The following B3GLCT variants were observed in gnomAD, a reference collection of about 807,000 sequenced individuals.
B3GLCT encodes beta-1,3-glucosyltransferase.
A neutral mutation model predicts 63.4 loss-of-function variants in B3GLCT; 65 were observed. The observed-to-expected ratio is 1.03, with a 90% CI of 0.84 to 1.26. The LOEUF (loss-of-function observed/expected upper bound fraction) is 1.26. Among genes scored for constraint, B3GLCT ranks in the 50% most tolerant of loss-of-function variants. The probability of loss-of-function intolerance (pLI) is 0.00; values close to 1 mark genes in which losing one functional copy is unlikely to be tolerated. For missense variants in B3GLCT, 577 were observed against 604.8 expected, an observed-to-expected ratio of 0.95 and a Z score of 0.48; for synonymous variants, 233 against 219.2, an observed-to-expected ratio of 1.06 and a Z score of -0.55.
In B3GLCT at chr13:31,274,515, C is replaced by T. The variant is rs773546948; in HGVS notation, c.667C>T (p.Leu223Phe). Residue 223 changes from leucine to phenylalanine, a missense_variant, in exon 9 of 15, where the codon CTC (leucine) becomes TTC (phenylalanine). Coordinates refer to ENST00000343307, the MANE Select transcript of B3GLCT (RefSeq NM_194318.4). The part of the protein sequence containing the change: ...FTIDLKHEIA[L>F]YIWDKGGGPP... ...GTCTCCTGTCTCGTGGCAGATTGCC[C>T]TCTACATCTGGGACAAAGGCGGAGG... The T allele has an allele frequency of 6.2e-7, 1 of 1,614,186 alleles. No homozygotes were observed. Among genetic ancestry groups the T allele is most frequent in the Non-Finnish European group, 8.5e-7 (1 of 1,180,034 alleles).
chr13:31,207,287 AT>A (rs71192685), intron 1 of B3GLCT, among the ~76,000 whole-genome samples: 47 of 148,718 alleles, frequency 3.2e-4, no homozygotes, highest in Non-Finnish European at 2.7e-4. Flanking sequence ...TAAACTGCTA[AT>A]TTTTTTTTTT....
chr13:31,206,169 C>T (rs1401937613), intron 1 of B3GLCT, among the ~76,000 whole-genome samples: 1 of 152,200 alleles, frequency 6.6e-6, no homozygotes, highest in Non-Finnish European at 1.5e-5. Context: ...AAAATAGCCC[C>T]ATTCAGTTCC....
At chr13:31,316,407 T>A (rs543331974) in intron 12 of B3GLCT, among the ~76,000 whole-genome samples, 4 of 40,866 alleles carry the variant, frequency 9.8e-5, no homozygotes, top group African/African-American at 2.0e-4. Context: ...TTTGGAGGTT[T>A]TATATATATA....
chr13:31,296,422 AAAGAGAGC>A (rs993865448), intron 12 of B3GLCT, among the ~76,000 whole-genome samples: 17 of 152,198 alleles, frequency 1.1e-4, no homozygotes, highest in African/African-American at 3.9e-4. Flanking sequence ...CAAATGGTGG[AAAGAGAGC>A]AAGCTAGCTC....
chr13:31,236,072 A>T (rs1007943482), intron 4 of B3GLCT, among the ~76,000 whole-genome samples: 3 of 152,132 alleles, frequency 2.0e-5, no homozygotes, highest in Non-Finnish European at 4.4e-5. Flanking sequence ...TCACGTATGC[A>T]CCCCCAAGGT....
At chr13:31,206,134 C>T (rs369886138) in intron 1 of B3GLCT, among the ~76,000 whole-genome samples, 8 of 152,158 alleles carry the variant, frequency 5.3e-5, no homozygotes, top group African/African-American at 1.9e-4. Flanking sequence ...AAGTAAAGGA[C>T]GTTAAATGGC....
At chr13:31,328,252 G>C (rs1875732589) in intron 14 of B3GLCT, among the ~76,000 whole-genome samples, 1 of 152,082 alleles carries the variant, frequency 6.6e-6, no homozygotes, top group Admixed American at 6.6e-5. Flanking sequence ...CAAAGATTTA[G>C]GCAGACTGTA....
intron 6 of B3GLCT, among the ~76,000 whole-genome samples, chr13:31,248,197 A>G (rs755886331): frequency 2.6e-5 from 4 of 152,234 alleles, no homozygotes; most frequent in Admixed American, 6.5e-5. Flanking sequence ...ATCTGTTAAT[A>G]TATGTGTTAG....
At chr13:31,240,502 C>T (rs1043237693) in intron 4 of B3GLCT, among the ~76,000 whole-genome samples, 2 of 116,012 alleles carry the variant, frequency 1.7e-5, no homozygotes, top group Non-Finnish European at 3.6e-5. Flanking sequence ...ATATTAAAAA[C>T]ACCTGATTTT....
intron 2 of B3GLCT, among the ~76,000 whole-genome samples, chr13:31,216,665 G>A (rs1187505084): frequency 6.6e-6 from 1 of 152,152 alleles, no homozygotes; most frequent in East Asian, 1.9e-4. Flanking sequence ...TGTGTACACT[G>A]TGTTTAGCTC....
intron 12 of B3GLCT, among the ~76,000 whole-genome samples, chr13:31,289,280 A>G (rs1413703059): frequency 6.6e-6 from 1 of 152,178 alleles, no homozygotes; most frequent in Non-Finnish European, 1.5e-5. Flanking sequence ...TAAATTATCA[A>G]TATTTTTGAG....
chr13:31,214,221 T>C (rs903083323), intron 1 of B3GLCT, among the ~76,000 whole-genome samples: 1 of 152,196 alleles, frequency 6.6e-6, no homozygotes, highest in Non-Finnish European at 1.5e-5. Context: ...CTCCTGGGAG[T>C]GCTAATTGGA....
chr13:31,314,131 C>T (rs1349102070), intron 12 of B3GLCT, among the ~76,000 whole-genome samples: 1 of 152,206 alleles, frequency 6.6e-6, no homozygotes, highest in African/African-American at 2.4e-5. Context: ...GGCAAGTTTG[C>T]TGCAGGATAG....
chr13:31,257,047 C>T (rs1871778866), intron 6 of B3GLCT, among the ~76,000 whole-genome samples: 2 of 152,064 alleles, frequency 1.3e-5, no homozygotes, highest in Admixed American at 1.3e-4. Context: ...TGGCTCTATG[C>T]ATAGATTCTA....
chr13:31,234,184 A>AT (rs890630003), intron 4 of B3GLCT, among the ~76,000 whole-genome samples: 12 of 150,694 alleles, frequency 8.0e-5, no homozygotes, highest in Non-Finnish European at 1.3e-4. Context: ...CACCTGGCTA[A>AT]TTTTTTTTTG....
At position 31,329,826 on chromosome 13, in the gene B3GLCT, G is replaced by A. The variant is rs543066424; in HGVS notation, c.*158G>A. On this transcript the variant is annotated 3_prime_UTR_variant, in exon 15 of 15. Coordinates refer to ENST00000343307, the MANE Select transcript of B3GLCT (RefSeq NM_194318.4). ...TTATGTATGGTATTTTTTGACAGAG[G>A]AAGAAAAGGGGTCACAGGAGAAACA... The A allele has an allele frequency of 2.3e-3, 1,769 of 780,232 alleles. 7 individuals are homozygous for A. Among genetic ancestry groups the A allele is most frequent in the Non-Finnish European group, 2.8e-3 (1,340 of 478,552 alleles). 48.3% of individuals were successfully genotyped at this position (780,232 alleles called of 1,614,324 possible).
intron 8 of B3GLCT, among the ~76,000 whole-genome samples, chr13:31,273,408 A>G (rs986228448): frequency 6.6e-6 from 1 of 152,096 alleles, no homozygotes; most frequent in East Asian, 1.9e-4. Context: ...TTATTTTTCA[A>G]ATGTGCTTAC....
intron 1 of B3GLCT, among the ~76,000 whole-genome samples, chr13:31,203,121 T>C (rs1566037068): frequency 1.3e-5 from 2 of 152,182 alleles, no homozygotes; most frequent in Admixed American, 6.5e-5. Flanking sequence ...CCTGCCAAAA[T>C]TGGGGATGGT....
intron 12 of B3GLCT, among the ~76,000 whole-genome samples, chr13:31,291,378 C>A (rs201179236): frequency 6.6e-6 from 1 of 152,152 alleles, no homozygotes; most frequent in African/African-American, 2.4e-5. Flanking sequence ...TCAATGGTAG[C>A]TTGATGGGGA....
Sources: gnomAD v4.1 joint callset for allele counts (sites outside exome capture counted in the v4.1 genomes callset) on GRCh38, gnomAD v4.1.1 for gene constraint, MANE v1.5 for transcripts, NCBI Gene and HGNC (gene_info 2026-07-23, HGNC 2026-07-21) for gene names.